The following UST variants were observed in gnomAD, a reference collection of about 807,000 sequenced individuals.
The protein encoded by UST is uronyl 2-sulfotransferase.
In UST, 21 loss-of-function variants were observed where a neutral mutation model predicts 45.6. That is an observed-to-expected ratio of 0.46 (90% CI 0.33 to 0.66). The LOEUF (loss-of-function observed/expected upper bound fraction) is 0.66, where lower values mean the gene tolerates loss of function less well. Among genes scored for constraint, UST ranks in the 30% least tolerant of loss-of-function variants. UST has a pLI of 0.02. For synonymous variants in UST, 215 were observed against 200.6 expected (o/e 1.07, Z -0.61); for missense variants, 463 against 512.4 (o/e 0.90, Z 0.93).
intron 5 of UST, among the ~76,000 whole-genome samples, chr6:149,003,893 G>A (rs961252815): frequency 3.9e-5 from 6 of 152,146 alleles, no homozygotes; most frequent in South Asian, 2.1e-4. Context: ...TAATAGACGT[G>A]CAGGGCCTCT....
chr6:149,023,626 T>A (rs1435920812), intron 7 of UST, among the ~76,000 whole-genome samples: 2 of 152,200 alleles, frequency 1.3e-5, no homozygotes, highest in Admixed American at 6.5e-5. Context: ...GTGAGAGTCC[T>A]CTTCCAGTTA....
chr6:148,779,648 C>T (rs147810372), intron 1 of UST, among the ~76,000 whole-genome samples: 11 of 152,242 alleles, frequency 7.2e-5, no homozygotes, highest in Admixed American at 3.3e-4. Context: ...AAAATTCAGA[C>T]GTTAAAGTGA....
At chr6:148,901,488 C>A (rs1779255788) in intron 2 of UST, among the ~76,000 whole-genome samples, 2 of 151,658 alleles carry the variant, frequency 1.3e-5, no homozygotes, top group South Asian at 4.2e-4. Flanking sequence ...TGGCACAGAG[C>A]AGAGAGGAAC....
At chr6:149,028,519 G>C (rs1776083966) in intron 7 of UST, among the ~76,000 whole-genome samples, 3 of 152,184 alleles carry the variant, frequency 2.0e-5, no homozygotes, top group Admixed American at 2.0e-4. Context: ...GATTATCCTT[G>C]ACCTGTTTCA....
chr6:149,029,867 TGTGTGTGTGTG>T (rs1776113462), intron 7 of UST, among the ~76,000 whole-genome samples: 1 of 11,594 alleles, frequency 8.6e-5, no homozygotes, highest in Non-Finnish European at 1.6e-4. Context: ...CACTGGATCT[TGTGTGTGTGTG>T]TGTGTGTGTG....
In UST at chr6:149,073,854, T is replaced by C. The variant is rs772598777; in HGVS notation, c.959T>C (p.Met320Thr). The change falls in exon 8 of 8, where the codon ATG (methionine) becomes ACG (threonine). Residue 320 changes from methionine (M) to threonine (T), a missense_variant. Met to Thr is a moderately conservative substitution (Grantham distance 81). This residue lies in a region of UST where 287 missense variants were observed against 374.2 expected (regional missense o/e 0.77). Transcript: ENST00000367463. Reference sequence around the variant, plus strand: ...CCAGAGCACAGGAAGCTTGGAAACATGACTGTGACGGTGAAGAAGACTGTC... The same window carrying C: ...CCAGAGCACAGGAAGCTTGGAAACACGACTGTGACGGTGAAGAAGACTGTC... ...KDPEHRKLGN[M>T]TVTVKKTVPS... is the part of the protein sequence containing the mutation. The C allele has an allele frequency of 6.2e-7, 1 of 1,613,696 alleles. No homozygotes were observed. Among genetic ancestry groups the C allele is most frequent in the East Asian group, 2.2e-5 (1 of 44,878 alleles).
intron 1 of UST, among the ~76,000 whole-genome samples, chr6:148,870,104 T>TCACTCACACACACACA (rs1778519494): frequency 7.1e-6 from 1 of 141,448 alleles, no homozygotes; most frequent in African/African-American, 2.7e-5. Flanking sequence ...TGGTAATGTT[T>TCACTCACACACACACA]CACACACACA....
chr6:149,073,774 G>A (rs925786224), intron 7 of UST, 59 bp from the exon 8 acceptor site: 67 of 1,571,364 alleles, frequency 4.3e-5, no homozygotes, highest in Non-Finnish European at 5.5e-5. Context: ...GGTCCTCGCC[G>A]GGATCCCTTC....
At chr6:148,978,588 C>T (rs931351281) in intron 5 of UST, among the ~76,000 whole-genome samples, 19 of 152,118 alleles carry the variant, frequency 1.2e-4, no homozygotes, top group Non-Finnish European at 1.6e-4. Flanking sequence ...AACCAAACAC[C>T]GCATGTTCTC....
intron 2 of UST, among the ~76,000 whole-genome samples, chr6:148,909,295 T>G (rs915184112): frequency 6.6e-6 from 1 of 152,046 alleles, no homozygotes; most frequent in Non-Finnish European, 1.5e-5. Context: ...ATAGGTAGTT[T>G]CATTTGCCTT....
chr6:148,896,534 T>C (rs1232198652), intron 2 of UST, among the ~76,000 whole-genome samples: 1 of 152,246 alleles, frequency 6.6e-6, no homozygotes, highest in Admixed American at 6.5e-5. Flanking sequence ...CTGATTTTCT[T>C]TGAAAAACAA....
chr6:148,826,474 T>C (rs1582835937), intron 1 of UST, among the ~76,000 whole-genome samples: 2 of 152,194 alleles, frequency 1.3e-5, no homozygotes, highest in South Asian at 4.1e-4. Context: ...TTATAGAATA[T>C]TCACTTGATT....
chr6:148,906,064 T>C (rs1208868835), intron 2 of UST, among the ~76,000 whole-genome samples: 1 of 152,216 alleles, frequency 6.6e-6, no homozygotes, highest in Admixed American at 6.5e-5. Context: ...GTCAGAGGTA[T>C]CCAGAATGAA....
chr6:148,993,102 C>T (rs1273756528), intron 5 of UST: 8 of 981,698 alleles, frequency 8.1e-6, no homozygotes, highest in Non-Finnish European at 7.3e-6. Context: ...GTTTCTAGGT[C>T]AGTTAACATC....
At chr6:148,923,476 G>A (rs1483296899) in intron 2 of UST, among the ~76,000 whole-genome samples, 1 of 152,194 alleles carries the variant, frequency 6.6e-6, no homozygotes, top group Admixed American at 6.5e-5. Context: ...TCAGCCAGGT[G>A]GCTATAAAGT....
intron 3 of UST, among the ~76,000 whole-genome samples, chr6:148,952,017 TC>T (rs1780374814): frequency 6.6e-6 from 1 of 152,372 alleles, no homozygotes; most frequent in African/African-American, 2.4e-5. Context: ...TCTGACCTGT[TC>T]TTCCAGTTTT....
In UST at chr6:148,748,487, G is replaced by A. The variant is rs1775924001; in HGVS notation, c.247+810G>A. On this transcript the variant is annotated intron_variant, in intron 1 of 7. Transcript: ENST00000367463. The surrounding 1 kb of genome is among the most constrained non-coding windows in gnomAD (Gnocchi z 5.3). ...GGAGAGAGGCCGCCTGTCTTTAGCA[G>A]AAGTAAGGAAGGGGTTTGACGGGAG... 6.6e-6 allele frequency among the ~76,000 whole-genome samples: 1 copy of A among 151,334 alleles called. No individual in the cohort carries two copies. Among genetic ancestry groups the A allele is most frequent in the Non-Finnish European group, 1.5e-5 (1 of 67,902 alleles).
intron 1 of UST, among the ~76,000 whole-genome samples, chr6:148,875,217 A>G (rs973019413): frequency 3.3e-5 from 5 of 152,344 alleles, no homozygotes; most frequent in Admixed American, 2.6e-4. Context: ...AAAACATTGT[A>G]TTCTTCAGAG....
chr6:148,789,453 TCACACA>T (rs58763326), intron 1 of UST, among the ~76,000 whole-genome samples: 6,811 of 134,242 alleles, frequency 0.051, 382 homozygotes, highest in African/African-American at 0.15. Flanking sequence ...TCTCTCTCTC[TCACACA>T]CACACACACA....
Sources: gnomAD v4.1 joint callset for allele counts (sites outside exome capture counted in the v4.1 genomes callset) on GRCh38, gnomAD v4.1.1 for gene constraint, gnomAD v4.1.1 regional missense constraint, Gnocchi (gnomAD v3.1) non-coding constraint, MANE v1.5 for transcripts, NCBI Gene and HGNC (gene_info 2026-07-23, HGNC 2026-07-21) for gene names.